INSYN2A: variants seen among roughly 807,000 people sequenced by gnomAD.
INSYN2A encodes inhibitory synaptic factor 2A.
A neutral mutation model predicts 39.4 loss-of-function variants in INSYN2A; 17 were observed. The observed-to-expected ratio is 0.43, with a 90% CI of 0.30 to 0.65. The LOEUF (loss-of-function observed/expected upper bound fraction) is 0.65, where lower values mean the gene tolerates loss of function less well. Ranked by LOEUF, INSYN2A falls within the 30% of genes least tolerant of loss-of-function variation. The probability of loss-of-function intolerance (pLI) is 0.14; values close to 1 mark genes in which losing one functional copy is unlikely to be tolerated. For missense variants in INSYN2A, 595 were observed against 631.2 expected, an observed-to-expected ratio of 0.94 and a Z score of 0.61; for synonymous variants, 255 against 265.7, an observed-to-expected ratio of 0.96 and a Z score of 0.39.
chr10:127,181,731 T>G (rs1479203919), intron 2 of INSYN2A, among the ~76,000 whole-genome samples: 1 of 152,098 alleles, frequency 6.6e-6, no homozygotes, highest in African/African-American at 2.4e-5. Context: ...AACATCCCAT[T>G]CTTCACCACC....
chr10:127,146,151 C>A lies in INSYN2A; in HGVS notation c.1256+7701G>T, dbSNP rs1274870103. 1.3e-5 allele frequency: 6 copies of A among 444,764 alleles called. No homozygotes were observed. The Admixed American group carries it at 1.4e-4, about 11-fold the overall frequency. 27.6% of individuals were successfully genotyped at this position (444,764 alleles called of 1,614,324 possible). ...CTTCCCATGAAACTGACAGCGTAGT[C>A]CCCTCATGCTGTTTTGGACATTGGT... On this transcript the variant is annotated intron_variant, in intron 5 of 5. Coordinates refer to ENST00000522781, the MANE Select transcript of INSYN2A (RefSeq NM_001039762.3).
At chr10:127,195,538 T>C (rs1212536991) in intron 1 of INSYN2A, among the ~76,000 whole-genome samples, 37 of 148,426 alleles carry the variant, frequency 2.5e-4, no homozygotes, top group Non-Finnish European at 1.5e-5. Flanking sequence ...CCCCCGAAGT[T>C]AATCAGCCGT....
At chr10:127,147,885 GC>G (rs1268037642) in intron 5 of INSYN2A, among the ~76,000 whole-genome samples, 1 of 151,656 alleles carries the variant, frequency 6.6e-6, no homozygotes, top group African/African-American at 2.4e-5. Context: ...ACAAAAATTA[GC>G]CAGGATTGGC....
At chr10:127,160,680 C>T (rs2053523708) in intron 4 of INSYN2A, among the ~76,000 whole-genome samples, 2 of 152,176 alleles carry the variant, frequency 1.3e-5, no homozygotes, top group Admixed American at 1.3e-4. Context: ...AATTCAGAGG[C>T]TGTATCCTAG....
At chr10:127,156,586 A>C (rs1483366034) in intron 4 of INSYN2A, among the ~76,000 whole-genome samples, 1 of 59,700 alleles carries the variant, frequency 1.7e-5, no homozygotes, top group Non-Finnish European at 3.1e-5. Flanking sequence ...TTTTTTTTTG[A>C]GACCAAGTTT....
chr10:127,151,527 C>T (rs970900996), intron 5 of INSYN2A, among the ~76,000 whole-genome samples: 2 of 152,176 alleles, frequency 1.3e-5, no homozygotes, highest in African/African-American at 4.8e-5. Flanking sequence ...TCAAACACTA[C>T]CTCTTCTAGA....
intron 4 of INSYN2A, among the ~76,000 whole-genome samples, chr10:127,171,086 A>C (rs1005980886): frequency 6.6e-6 from 1 of 152,210 alleles, no homozygotes; most frequent in Admixed American, 6.5e-5. Context: ...ACTGTATTTC[A>C]GTGTCTACCA....
chr10:127,194,449 C>T (rs1342004290), intron 1 of INSYN2A, among the ~76,000 whole-genome samples: 2 of 152,208 alleles, frequency 1.3e-5, no homozygotes, highest in African/African-American at 4.8e-5. Flanking sequence ...TCAAAAGTAA[C>T]ATTCAACAGG....
At position 127,196,327 on chromosome 10, in the gene INSYN2A, G is replaced by A. The variant is rs1182609333; in HGVS notation, c.-725C>T. The stretch of plus-strand genomic sequence containing the variant: ...CAGCTCCGGGGACGCCCGCGCGCTC[G>A]CTTGCTCGCGACGCGGCGGAGCCAG... On this transcript the variant is annotated 5_prime_UTR_variant, in exon 1 of 6. Coordinates refer to ENST00000522781, the MANE Select transcript of INSYN2A (RefSeq NM_001039762.3). 6.7e-6 allele frequency among the ~76,000 whole-genome samples: 1 copy of A among 148,746 alleles called. No individual in the cohort carries two copies. The highest frequency in any genetic ancestry group is 1.5e-5 in the Non-Finnish European group (1 of 66,818).
chr10:127,143,086 T>C (rs1187935573), intron 5 of INSYN2A, among the ~76,000 whole-genome samples: 1 of 152,194 alleles, frequency 6.6e-6, no homozygotes, highest in East Asian at 1.9e-4. Flanking sequence ...ATTCTCTGTT[T>C]GTCTCATGCT....
rs2133887235 is a variant in INSYN2A at position 127,175,158 on chromosome 10, A to C, written c.1184+54T>G. 9 of 1,449,170 alleles carry C rather than the reference A, an allele frequency of 6.2e-6. No homozygotes were observed. The highest frequency in any genetic ancestry group is 8.6e-6 in the Non-Finnish European group (9 of 1,049,198). 89.8% of individuals were successfully genotyped at this position (1,449,170 alleles called of 1,614,324 possible). ...GACTTGGGTTTGGGGCTACAGATGG[A>C]CTCTGTGGTGATCAGCCTGCATAGC... On this transcript the variant is annotated intron_variant, in intron 4 of 5. Transcript: ENST00000522781. This position sits in a 1 kb window ranked among gnomAD's most constrained non-coding sequence, Gnocchi z 6.3.
At position 127,147,798 on chromosome 10, in the gene INSYN2A, C is replaced by T. The variant is rs58573954; in HGVS notation, c.1256+6054G>A. Among the ~76,000 whole-genome samples the T allele has an allele frequency of 2.8e-3, 423 of 151,636 alleles. 1 individual carries two copies. Among genetic ancestry groups the T allele is most frequent in the African/African-American group, 9.8e-3 (403 of 41,328 alleles). Reference sequence around the variant, plus strand: ...CTGTAATCCTAGCACTTTGGGAAGTCGAGGCGGGTGGATCATGAGGTCAGG... The same window carrying T: ...CTGTAATCCTAGCACTTTGGGAAGTTGAGGCGGGTGGATCATGAGGTCAGG... On this transcript the variant is annotated intron_variant, in intron 5 of 5. Transcript: ENST00000522781.
intron 4 of INSYN2A, among the ~76,000 whole-genome samples, chr10:127,157,071 G>A (rs777827407): frequency 2.6e-5 from 4 of 152,222 alleles, no homozygotes; most frequent in African/African-American, 4.8e-5. Context: ...CGTGGGAGTG[G>A]CAGAAGGGCA....
intron 1 of INSYN2A, among the ~76,000 whole-genome samples, chr10:127,195,796 C>G (rs918120620): frequency 6.6e-6 from 1 of 152,158 alleles, no homozygotes; most frequent in Non-Finnish European, 1.5e-5. Context: ...CCTTGCCCCC[C>G]ACCTGCGACC....
chr10:127,147,524 G>T (rs938369911), intron 5 of INSYN2A, among the ~76,000 whole-genome samples: 1 of 152,002 alleles, frequency 6.6e-6, no homozygotes, highest in Admixed American at 6.5e-5. Context: ...GCTCTCTCTC[G>T]CCAGAGCTCT....
At chr10:127,151,209 A>G (rs1265398013) in intron 5 of INSYN2A, among the ~76,000 whole-genome samples, 1 of 152,212 alleles carries the variant, frequency 6.6e-6, no homozygotes, top group East Asian at 1.9e-4. Context: ...GAGTTTAGGA[A>G]GCAGCATTTG....
chr10:127,173,250 C>T (rs1326059009), intron 4 of INSYN2A, among the ~76,000 whole-genome samples: 3 of 152,134 alleles, frequency 2.0e-5, no homozygotes, highest in African/African-American at 2.4e-5. Flanking sequence ...CCCCTGTCTG[C>T]AGGACAGACA....
rs904811912 is a variant in INSYN2A at position 127,137,683 on chromosome 10, A to G, written c.*154T>C. Reference sequence around the variant, plus strand: ...AATACCTTGCTTCTGTTAATTATCTATTGGTACAAAGGCCTTTTTGGTACG... The same window carrying G: ...AATACCTTGCTTCTGTTAATTATCTGTTGGTACAAAGGCCTTTTTGGTACG... On this transcript the variant is annotated 3_prime_UTR_variant, in exon 6 of 6. Coordinates refer to ENST00000522781, the MANE Select transcript of INSYN2A (RefSeq NM_001039762.3). 5.0e-6 allele frequency: 3 copies of G among 603,206 alleles called. No homozygotes were observed. Among genetic ancestry groups the G allele is most frequent in the South Asian group, 2.7e-5 (1 of 36,664 alleles). 37.4% of individuals were successfully genotyped at this position (603,206 alleles called of 1,614,324 possible). A position where few individuals can be genotyped will look rare whatever the true frequency, so the allele number is the denominator to read the frequency against.
At chr10:127,145,666 A>T (rs1298054489) in intron 5 of INSYN2A, among the ~76,000 whole-genome samples, 3 of 152,142 alleles carry the variant, frequency 2.0e-5, no homozygotes, top group African/African-American at 7.2e-5. Context: ...GTCTAGAGAC[A>T]TGGGTGACGT....
Sources: allele counts gnomAD v4.1 joint callset (sites outside exome capture counted in the v4.1 genomes callset), GRCh38; gene constraint gnomAD v4.1.1; non-coding constraint Gnocchi (gnomAD v3.1); transcripts MANE v1.5; gene names NCBI Gene and HGNC (gene_info 2026-07-23, HGNC 2026-07-21).